TENM2: variants seen among roughly 807,000 people sequenced by gnomAD.
The protein encoded by TENM2 is teneurin-2.
A neutral mutation model predicts 245.2 loss-of-function variants in TENM2; 52 were observed. The ratio of observed to expected loss-of-function variants is 0.21; its 90% CI spans 0.17 to 0.27. TENM2 has a LOEUF of 0.27. Ranked by LOEUF, TENM2 falls within the 10% of genes least tolerant of loss-of-function variation. The pLI, the probability that TENM2 is intolerant of heterozygous loss-of-function variation, is 1.00. For synonymous variants in TENM2, 1,363 were observed against 1,438.9 expected, an observed-to-expected ratio of 0.95 and a Z score of 1.19; for missense variants, 3,046 against 3,666.8, an observed-to-expected ratio of 0.83 and a Z score of 4.37.
intron 2 of TENM2, among the ~76,000 whole-genome samples, chr5:167,714,386 G>A (rs898434473): frequency 1.3e-5 from 2 of 152,194 alleles, no homozygotes; most frequent in African/African-American, 2.4e-5. Context: ...TCTTTCTTCT[G>A]TTGTTTCGTG....
chr5:168,107,544 A>G (rs1422546003), intron 9 of TENM2, among the ~76,000 whole-genome samples: 2 of 113,816 alleles, frequency 1.8e-5, no homozygotes, highest in Admixed American at 2.2e-4. Flanking sequence ...ACCCCTTTTT[A>G]GCAAGCCTCC....
intron 14 of TENM2, among the ~76,000 whole-genome samples, chr5:168,192,294 G>A (rs932322302): frequency 4.6e-5 from 7 of 152,018 alleles, no homozygotes; most frequent in South Asian, 2.1e-4. Context: ...TGTTGTAACC[G>A]GAAACCAGTT....
intron 1 of TENM2, among the ~76,000 whole-genome samples, chr5:167,329,316 C>A (rs111939298): frequency 6.7e-6 from 1 of 149,670 alleles, no homozygotes; most frequent in African/African-American, 2.5e-5. Context: ...GAGGCCGAGG[C>A]GGGCGGATCA....
chr5:167,179,290 G>C, the TENM2 span, among the ~76,000 whole-genome samples: 2 of 152,170 alleles, frequency 1.3e-5, no homozygotes, highest in African/African-American at 2.4e-5. Flanking sequence ...AAAATTGGCC[G>C]TGAGGTACCT....
chr5:168,066,418 C>T (rs1405169518), intron 7 of TENM2, among the ~76,000 whole-genome samples: 1 of 152,154 alleles, frequency 6.6e-6, no homozygotes, highest in African/African-American at 2.4e-5. Flanking sequence ...GTTATGAGAC[C>T]TGTCCTAGTG....
At chr5:167,719,366 G>A (rs993703317) in intron 2 of TENM2, among the ~76,000 whole-genome samples, 5 of 152,196 alleles carry the variant, frequency 3.3e-5, no homozygotes, top group African/African-American at 1.2e-4. Flanking sequence ...GCAGTTCTTT[G>A]GTGACAAGAA....
chr5:168,165,637 TCCCCCCCCCAAC>T (rs1333982067), intron 13 of TENM2, among the ~76,000 whole-genome samples: 102 of 22,596 alleles, frequency 4.5e-3, no homozygotes, highest in Non-Finnish European at 9.2e-3. Flanking sequence ...CAATTCAGGA[TCCCCCCCCCAAC>T]CCCCCCCCCC....
intron 2 of TENM2, among the ~76,000 whole-genome samples, chr5:167,704,903 C>T (rs1416928166): frequency 1.3e-5 from 2 of 152,114 alleles, no homozygotes; most frequent in Non-Finnish European, 2.9e-5. Context: ...GTTAGGTCTG[C>T]TGGAGTGTGT....
At chr5:167,915,347 A>G (rs1029506738) in intron 3 of TENM2, among the ~76,000 whole-genome samples, 1 of 152,164 alleles carries the variant, frequency 6.6e-6, no homozygotes, top group Non-Finnish European at 1.5e-5. Context: ...GAAGAAATTA[A>G]ATCCCTACAA....
At chr5:167,426,034 C>A (rs1440290930) in intron 2 of TENM2, among the ~76,000 whole-genome samples, 1 of 152,028 alleles carries the variant, frequency 6.6e-6, no homozygotes, top group African/African-American at 2.4e-5. Flanking sequence ...TAACCTGCCA[C>A]CCTCCTCATT....
At chr5:167,230,185 C>A in the TENM2 span, among the ~76,000 whole-genome samples, 1 of 152,128 alleles carries the variant, frequency 6.6e-6, no homozygotes, top group East Asian at 1.9e-4. Context: ...TGTCTCTGAA[C>A]AGTTTCCAGG....
intron 5 of TENM2, 67 bp downstream of exon 7, chr5:167,993,249 G>C (rs1783804968): frequency 7.4e-7 from 1 of 1,344,084 alleles, no homozygotes; most frequent in Admixed American, 1.8e-5. Context: ...CCATGGACTT[G>C]TGAATCTAGA....
intron 12 of TENM2, among the ~76,000 whole-genome samples, chr5:168,144,187 T>TTTA (rs900666647): frequency 2.6e-5 from 4 of 152,064 alleles, no homozygotes; most frequent in African/African-American, 7.2e-5. Flanking sequence ...TCTTTTTTTT[T>TTTA]TTATTATTAT....
chr5:168,003,914 C>G (rs1045395215), intron 5 of TENM2, among the ~76,000 whole-genome samples: 3 of 152,206 alleles, frequency 2.0e-5, no homozygotes, highest in Admixed American at 1.3e-4. Context: ...ACAACTTATG[C>G]TACAAAATCA....
At chr5:167,908,827 A>G (rs9313391) in intron 3 of TENM2, among the ~76,000 whole-genome samples, 151,117 of 151,636 alleles carry the variant, frequency 1, 75,299 homozygotes, top group East Asian at 1. Context: ...TTGCTTGTGT[A>G]AAGAGGAAGC....
rs906878337 is a variant in TENM2 at position 167,827,630 on chromosome 5, G to GT, written c.503-48356_503-48355insT. Among the ~76,000 whole-genome samples, 44 of 130,716 alleles carry GT rather than the reference G, an allele frequency of 3.4e-4. 3 individuals are homozygous for GT. The highest frequency in any genetic ancestry group is 1.1e-3 in the African/African-American group (40 of 35,696). The allele number at this position is 130,716 out of a possible 152,430, so 85.8% of individuals were successfully genotyped here. ...ATTATGGCAAGGAGCTAGGTGGGCG[G>GT]GGGGGGGGGAACAGTTTAATGAGCG... On this transcript the variant is annotated intron_variant, in intron 2 of 28. Coordinates refer to ENST00000518659, the Ensembl canonical transcript of TENM2.
At chr5:167,133,694 G>C in the TENM2 span, among the ~76,000 whole-genome samples, 3 of 151,266 alleles carry the variant, frequency 2.0e-5, no homozygotes, top group African/African-American at 7.3e-5. Flanking sequence ...TGGTTTGCAG[G>C]GCCTTTGTTT....
At chr5:167,092,701 T>C in the TENM2 span, among the ~76,000 whole-genome samples, 12 of 152,312 alleles carry the variant, frequency 7.9e-5, no homozygotes, top group South Asian at 4.1e-4. Flanking sequence ...AGCCAGGATT[T>C]AGAACTATGT....
the TENM2 span, among the ~76,000 whole-genome samples, chr5:166,999,990 C>A: frequency 2.0e-5 from 3 of 152,022 alleles, no homozygotes; most frequent in African/African-American, 7.2e-5. Flanking sequence ...GAGGAGACCC[C>A]TGTAAGAGGA....
Sources: allele counts gnomAD v4.1 joint callset (sites outside exome capture counted in the v4.1 genomes callset), GRCh38; gene constraint gnomAD v4.1.1; transcripts MANE v1.5; gene names NCBI Gene and HGNC (gene_info 2026-07-23, HGNC 2026-07-21).